Variants in NAV2 observed in about 807,000 individuals in gnomAD.
NAV2 encodes neuron navigator 2.
NAV2 carries 54 observed loss-of-function variants against 223.2 expected under a neutral mutation model. The observed-to-expected ratio is 0.24, with a 90% CI of 0.19 to 0.30. NAV2 has a LOEUF of 0.30. NAV2 is among the 10% of genes least tolerant of loss of function. NAV2 has a pLI of 1.00. For missense variants in NAV2, 2,806 were observed against 3,147.5 expected (o/e 0.89, Z 2.60); for synonymous variants, 1,279 against 1,239.3 (o/e 1.03, Z -0.67).
At position 20,065,721 on chromosome 11, in the gene NAV2, G is replaced by A. The variant is rs2059003712; in HGVS notation, c.4885-2465G>A. Among the ~76,000 whole-genome samples the A allele has an allele frequency of 3.3e-5, 5 of 152,196 alleles. No homozygotes were observed. In the South Asian group the frequency reaches 1.0e-3, roughly 32 times the overall value. On this transcript the variant is annotated intron_variant, in intron 20 of 37. Transcript: ENST00000349880. ...CAGTGACAGACAGTGGCAGAGGCAT[G>A]GGGAAGGGCTGTTAGGGCCTGTCGA...
At chr11:19,458,221 GA>G (rs773783411) in intron 1 of NAV2, among the ~76,000 whole-genome samples, 4 of 152,254 alleles carry the variant, frequency 2.6e-5, no homozygotes, top group Non-Finnish European at 5.9e-5. Context: ...GCATGTGGAT[GA>G]GAGGTCAGCC....
intron 1 of NAV2, among the ~76,000 whole-genome samples, chr11:19,527,937 GAC>G (rs67561376): frequency 0.067 from 9,547 of 142,820 alleles, 334 homozygotes; most frequent in Non-Finnish European, 0.085. Flanking sequence ...TCCCTGCCCT[GAC>G]ACACACACAC....
chr11:20,053,050 C>CAAAATA (rs2153606624), intron 17 of NAV2, among the ~76,000 whole-genome samples: 1 of 151,844 alleles, frequency 6.6e-6, no homozygotes, highest in African/African-American at 2.4e-5. Flanking sequence ...AACCCTGTCT[C>CAAAATA]TACTAAAAAT....
At chr11:19,877,473 T>TTTTTTTTTTTTCTTTTTTCTTTTC (rs1193086049) in intron 4 of NAV2, among the ~76,000 whole-genome samples, 15 of 115,728 alleles carry the variant, frequency 1.3e-4, no homozygotes, top group African/African-American at 4.0e-4. Flanking sequence ...CTTCATTCTT[T>TTTTTTTTTTTTCTTTTTTCTTTTC]TTTTTTTTTT....
At chr11:19,901,350 C>T (rs189013508) in intron 6 of NAV2, among the ~76,000 whole-genome samples, 1 of 152,124 alleles carries the variant, frequency 6.6e-6, no homozygotes, top group Non-Finnish European at 1.5e-5. Flanking sequence ...AGTTTGAGAC[C>T]AGCCTGGTCA....
At chr11:19,780,829 TC>T (rs2056676499) in intron 1 of NAV2, among the ~76,000 whole-genome samples, 1 of 152,168 alleles carries the variant, frequency 6.6e-6, no homozygotes, top group Non-Finnish European at 1.5e-5. Flanking sequence ...ACAGAAACAT[TC>T]CCAAAAGTCA....
intron 9 of NAV2, among the ~76,000 whole-genome samples, chr11:19,947,561 C>G (rs2047032294): frequency 6.6e-6 from 1 of 152,186 alleles, no homozygotes; most frequent in South Asian, 2.1e-4. Flanking sequence ...GTAATTATGA[C>G]AGGAGGGAAG....
rs367939010 is a variant in NAV2, at chr11:19,613,330, GA to G, written c.76-219145del. Among the ~76,000 whole-genome samples, 10 of 150,624 alleles carry G rather than the reference GA, an allele frequency of 6.6e-5. No individual in the cohort carries two copies. The East Asian group carries it at 9.7e-4, about 15-fold the overall frequency. On this transcript the variant is annotated intron_variant, in intron 1 of 37. Transcript: ENST00000360655. ...TATGGAGGGGATGTGAGGCGTTAGG[GA>G]AAAAAAAATCATGTTTTTGTCTTGC...
intron 1 of NAV2, among the ~76,000 whole-genome samples, chr11:19,396,301 G>T (rs777089015): frequency 2.0e-5 from 3 of 152,176 alleles, no homozygotes; most frequent in Non-Finnish European, 2.9e-5. Flanking sequence ...ATCGCATGGT[G>T]AGGAAGTACG....
intron 1 of NAV2, among the ~76,000 whole-genome samples, chr11:19,646,155 T>G (rs2135597992): frequency 6.6e-6 from 1 of 152,342 alleles, no homozygotes; most frequent in East Asian, 1.9e-4. Flanking sequence ...AGGCCAGGGC[T>G]GGGGGCTTCA....
In NAV2 at chr11:19,892,564, C is replaced by G. The variant is rs755049005; in HGVS notation, c.901C>G (p.Pro301Ala). The change falls in exon 6 of 38, where the codon CCA (proline) becomes GCA (alanine). Residue 301 changes from proline to alanine, a missense_variant. By Grantham distance (27) the Pro-to-Ala change is conservative. Around this residue, in one of 4 missense-constraint regions of NAV2, gnomAD observed 1,167 missense variants for 1,180.5 expected, o/e 0.99. Transcript: ENST00000349880. ...NYDKSKPVTSPPPPPSSHEKE... is the reference protein window; with the variant it reads ...NYDKSKPVTSAPPPPSSHEKE... The stretch of plus-strand genomic sequence containing the variant: ...TGATAAATCCAAACCAGTCACCTCC[C>G]CACCCCCACCGCCAAGCAGCCACGA... 6.2e-7 allele frequency: 1 copy of G among 1,613,974 alleles called. No individual in the cohort carries two copies. Among genetic ancestry groups the G allele is most frequent in the Non-Finnish European group, 8.5e-7 (1 of 1,179,970 alleles).
At chr11:19,637,605 C>G (rs2047541733) in intron 1 of NAV2, among the ~76,000 whole-genome samples, 1 of 152,206 alleles carries the variant, frequency 6.6e-6, no homozygotes, top group Admixed American at 6.5e-5. Flanking sequence ...TCTGGGGAGG[C>G]CTCAGGAAGC....
intron 1 of NAV2, among the ~76,000 whole-genome samples, chr11:19,789,184 A>G (rs1397434591): frequency 6.6e-6 from 1 of 152,234 alleles, no homozygotes; most frequent in African/African-American, 2.4e-5. Flanking sequence ...TTCCAATAAA[A>G]TCAGTAAGAA....
intron 1 of NAV2, among the ~76,000 whole-genome samples, chr11:19,694,550 C>T (rs750807146): frequency 2.0e-5 from 3 of 152,130 alleles, no homozygotes; most frequent in Admixed American, 6.5e-5. Flanking sequence ...AACTGAGACT[C>T]GGAAGGATGA....
At chr11:20,079,236 T>C (rs910964299) in intron 24 of NAV2, among the ~76,000 whole-genome samples, 2 of 152,184 alleles carry the variant, frequency 1.3e-5, no homozygotes, top group African/African-American at 4.8e-5. Context: ...AGACAGGGTT[T>C]CACCATGTTG....
intron 1 of NAV2, among the ~76,000 whole-genome samples, chr11:19,819,895 C>T (rs559628605): frequency 1.3e-5 from 2 of 152,230 alleles, no homozygotes; most frequent in Admixed American, 6.5e-5. Context: ...ATCTCTCATT[C>T]TATCCCCTCA....
intron 1 of NAV2, among the ~76,000 whole-genome samples, chr11:19,619,269 TA>T (rs56204596): frequency 0.99 from 150,851 of 152,134 alleles, 74,804 homozygotes; most frequent in East Asian, 1. Context: ...TTTGGGTATA[TA>T]ACCCAGTAAT....
chr11:19,879,771 A>G lies in NAV2; in HGVS notation c.512-98A>G, dbSNP rs922304602. The G allele has an allele frequency of 9.3e-6, 13 of 1,390,646 alleles. No homozygotes were observed. In the Admixed American group the frequency reaches 1.1e-4, roughly 11 times the overall value. The allele number at this position is 1,390,646 out of a possible 1,614,324, so 86.1% of individuals were successfully genotyped here. ...CAATGAAGTGTTCAGGAAGCCTGTC[A>G]TATCCTAAAGAAATCAAACTCACGT... On this transcript the variant is annotated intron_variant, in intron 4 of 37. Coordinates refer to ENST00000349880, the MANE Select transcript of NAV2 (RefSeq NM_145117.5).
At chr11:20,021,970 AGCCAGTTACT>A (rs1159246263) in intron 11 of NAV2, among the ~76,000 whole-genome samples, 2 of 152,106 alleles carry the variant, frequency 1.3e-5, no homozygotes, top group Non-Finnish European at 2.9e-5. Flanking sequence ...CCTCGCTTGG[AGCCAGTTACT>A]GCTTCCTTCC....
Sources: allele counts gnomAD v4.1 joint callset (sites outside exome capture counted in the v4.1 genomes callset), GRCh38; gene constraint gnomAD v4.1.1; regional missense constraint gnomAD v4.1.1; transcripts MANE v1.5; gene names NCBI Gene and HGNC (gene_info 2026-07-23, HGNC 2026-07-21).